DGKI: variants seen among roughly 807,000 people sequenced by gnomAD.
DGKI encodes DAG kinase iota.
A neutral mutation model predicts 147.5 loss-of-function variants in DGKI; 55 were observed. The observed-to-expected ratio is 0.37, with a 90% confidence interval of 0.30 to 0.47. The LOEUF (loss-of-function observed/expected upper bound fraction) is 0.47, where lower values mean the gene tolerates loss of function less well. Among genes scored for constraint, DGKI ranks in the 20% least tolerant of loss-of-function variants. DGKI has a pLI of 1.00. For missense variants in DGKI, 1,007 were observed against 1,323.8 expected (o/e 0.76, Z 3.71); for synonymous variants, 469 against 477.1 (o/e 0.98, Z 0.22).
intron 23 of DGKI, 95 bp from the exon 24 acceptor site, chr7:137,469,714 C>A: frequency 1.8e-6 from 2 of 1,120,328 alleles, no homozygotes; most frequent in East Asian, 2.5e-5. Context: ...ACACAAAGCA[C>A]TGGTGAGAAG....
intron 1 of DGKI, among the ~76,000 whole-genome samples, chr7:137,728,325 G>A (rs979661236): frequency 1.3e-5 from 2 of 152,134 alleles, no homozygotes; most frequent in African/African-American, 4.8e-5. Context: ...TCAGAAACCA[G>A]ACTTTGTCAG....
chr7:137,823,357 AT>A (rs1414751071), intron 1 of DGKI, among the ~76,000 whole-genome samples: 1 of 152,220 alleles, frequency 6.6e-6, no homozygotes, highest in East Asian at 1.9e-4. Context: ...CTAGAACTCC[AT>A]AACCTGAAAA....
At chr7:137,434,569 A>C (rs2128912944) in intron 28 of DGKI, among the ~76,000 whole-genome samples, 1 of 152,360 alleles carries the variant, frequency 6.6e-6, no homozygotes, top group South Asian at 2.1e-4. Context: ...TGACAGAGCA[A>C]GACTTCATCT....
intron 32 of DGKI, among the ~76,000 whole-genome samples, chr7:137,394,292 A>G (rs1055243975): frequency 6.6e-5 from 10 of 152,040 alleles, no homozygotes; most frequent in Non-Finnish European, 1.5e-5. Context: ...TGTGTGTGTG[A>G]TTTTTATTTT....
Position 137,839,339 on chromosome 7 carries a change from T to C in DGKI, c.401+7123A>G, listed in dbSNP as rs528481964. On this transcript the variant is annotated intron_variant, in intron 1 of 32. Coordinates refer to ENST00000614521, the MANE Select transcript of DGKI (RefSeq NM_001321708.2). ...CTGTCAGTTAAATTTCTCAAGTCTA[T>C]GTCTATCTCATTTTCATATTACCTG... Among the ~76,000 whole-genome samples the C allele has an allele frequency of 2.0e-5, 3 of 152,384 alleles. No individual in the cohort carries two copies. In the East Asian group the frequency reaches 5.8e-4, roughly 29 times the overall value.
chr7:137,555,797 T>A (rs1208281622), intron 19 of DGKI, among the ~76,000 whole-genome samples: 1 of 152,172 alleles, frequency 6.6e-6, no homozygotes, highest in African/African-American at 2.4e-5. Flanking sequence ...AGAGGCTAGA[T>A]GTTTTATAAG....
intron 5 of DGKI, among the ~76,000 whole-genome samples, chr7:137,653,998 G>T (rs1305125443): frequency 6.6e-6 from 1 of 152,160 alleles, no homozygotes; most frequent in Non-Finnish European, 1.5e-5. Context: ...GAGGGTTCTT[G>T]CCTGAACTGT....
At chr7:137,455,021 C>T (rs1308825610) in intron 27 of DGKI, 1 of 152,150 alleles carries the variant, frequency 6.6e-6, no homozygotes, top group East Asian at 1.9e-4. Flanking sequence ...CCCGGATATG[C>T]AATATCTCCC....
intron 1 of DGKI, among the ~76,000 whole-genome samples, chr7:137,822,052 T>TATTTA (rs1365667079): frequency 3.3e-5 from 5 of 152,014 alleles, no homozygotes; most frequent in African/African-American, 1.2e-4. Context: ...TGGGTTTGAG[T>TATTTA]GTGAGACCCT....
chr7:137,585,424 G>T, intron 13 of DGKI, 78 bp from the exon 14 acceptor site: 1 of 1,510,886 alleles, frequency 6.6e-7, no homozygotes, highest in Non-Finnish European at 8.9e-7. Flanking sequence ...GCAAGGAAGA[G>T]CCAAGCCGTT....
chr7:137,476,955 G>A (rs1003598628), intron 23 of DGKI, among the ~76,000 whole-genome samples: 7 of 152,208 alleles, frequency 4.6e-5, no homozygotes, highest in African/African-American at 1.7e-4. Context: ...TCAAGTTTGA[G>A]AGCTCAGAAT....
intron 1 of DGKI, among the ~76,000 whole-genome samples, chr7:137,709,725 G>A (rs565223407): frequency 5.9e-5 from 9 of 151,562 alleles, no homozygotes; most frequent in Non-Finnish European, 1.2e-4. Context: ...ACAAACACAG[G>A]AGAATGAAAA....
chr7:137,655,930 G>A (rs900962918), intron 4 of DGKI, among the ~76,000 whole-genome samples: 5 of 152,158 alleles, frequency 3.3e-5, no homozygotes, highest in Admixed American at 3.3e-4. Flanking sequence ...CACTGATTCT[G>A]GAGGCACACC....
chr7:137,545,006 G>A lies in DGKI; in HGVS notation c.2147+7363C>T, dbSNP rs111465106. Among the ~76,000 whole-genome samples, 426 of 152,244 alleles carry A rather than the reference G, an allele frequency of 2.8e-3. 2 individuals carry two copies. Among genetic ancestry groups the A allele is most frequent in the African/African-American group, 0.01 (417 of 41,540 alleles). On this transcript the variant is annotated intron_variant, in intron 20 of 32. Transcript: ENST00000614521. ...AGAAATATACAGGATCCTGACAGAC[G>A]AAAGGCAGCAGACTATGAATTGTTA...
At chr7:137,706,044 C>T (rs1794010918) in intron 1 of DGKI, among the ~76,000 whole-genome samples, 1 of 151,976 alleles carries the variant, frequency 6.6e-6, no homozygotes. Flanking sequence ...CAGGTCTATG[C>T]TAATTTTAAT....
rs879540267 is a variant in DGKI, at chr7:137,385,361, T to C, written c.*5859A>G. On this transcript the variant is annotated 3_prime_UTR_variant, in exon 33 of 33. Coordinates refer to ENST00000614521, the MANE Select transcript of DGKI (RefSeq NM_001321708.2). ...TCAAGATTTTCATGAGTTTTTAAAA[T>C]AAAATCCTGCCATTCAACAAAGCCA... is the stretch of plus-strand genomic sequence containing the variant. 3 of 152,066 alleles carry C rather than the reference T, an allele frequency of 2.0e-5. No homozygotes were observed. Among genetic ancestry groups the C allele is most frequent in the African/African-American group, 4.8e-5 (2 of 41,444 alleles). 9.4% of individuals were successfully genotyped at this position (152,066 alleles called of 1,614,324 possible).
intron 1 of DGKI, among the ~76,000 whole-genome samples, chr7:137,708,209 A>G (rs1794101353): frequency 6.6e-6 from 1 of 152,232 alleles, no homozygotes; most frequent in African/African-American, 2.4e-5. Context: ...AAATACCTGT[A>G]GTGTCTTCTT....
chr7:137,825,648 A>G lies in DGKI; in HGVS notation c.401+20814T>C, dbSNP rs915433564. On this transcript the variant is annotated intron_variant, in intron 1 of 32. Coordinates refer to ENST00000614521, the MANE Select transcript of DGKI (RefSeq NM_001321708.2). ...CACACTCTCACACACACACATTCACACGCACTCACACACATACACACACTC... is the reference window on the plus strand; with the variant it reads ...CACACTCTCACACACACACATTCACGCGCACTCACACACATACACACACTC... Among the ~76,000 whole-genome samples, 3 of 151,782 alleles carry G rather than the reference A, an allele frequency of 2.0e-5. No homozygotes were observed. The East Asian group carries it at 5.8e-4, about 29-fold the overall frequency.
chr7:137,698,779 G>A (rs1273814465), intron 1 of DGKI, among the ~76,000 whole-genome samples: 4 of 152,142 alleles, frequency 2.6e-5, no homozygotes, highest in East Asian at 1.9e-4. Context: ...AAGTAATTTA[G>A]GTAAGCCATA....
Sources: gnomAD v4.1 joint callset for allele counts (sites outside exome capture counted in the v4.1 genomes callset) on GRCh38, gnomAD v4.1.1 for gene constraint, MANE v1.5 for transcripts, NCBI Gene and HGNC (gene_info 2026-07-23, HGNC 2026-07-21) for gene names.